PPARGC1A: variants seen among roughly 807,000 people sequenced by gnomAD.
The protein encoded by PPARGC1A is PPARG coactivator 1 alpha.
PPARGC1A carries 25 observed loss-of-function variants against 88.7 expected under a neutral mutation model. The observed-to-expected ratio is 0.28, with a 90% CI of 0.21 to 0.39. The LOEUF is 0.39. Ranked by LOEUF, PPARGC1A falls within the 10% of genes least tolerant of loss-of-function variation. The pLI is 1.00. For synonymous variants in PPARGC1A, 363 were observed against 355.6 expected, an observed-to-expected ratio of 1.02 and a Z score of -0.24; for missense variants, 880 against 968.7, an observed-to-expected ratio of 0.91 and a Z score of 1.22.
chr4:24,111,606 G>A, the PPARGC1A span, among the ~76,000 whole-genome samples: 1 of 152,098 alleles, frequency 6.6e-6, no homozygotes. Context: ...TGGTGTCAAG[G>A]TACTACATAA....
the PPARGC1A span, among the ~76,000 whole-genome samples, chr4:23,991,464 TGG>T: frequency 6.6e-6 from 1 of 151,900 alleles, no homozygotes; most frequent in African/African-American, 2.4e-5. Flanking sequence ...CCTTCAAACC[TGG>T]GGGCTCCTCC....
chr4:24,388,642 A>G, the PPARGC1A span, among the ~76,000 whole-genome samples: 2 of 152,188 alleles, frequency 1.3e-5, no homozygotes, highest in Non-Finnish European at 2.9e-5. Flanking sequence ...ATGCAGCCAT[A>G]AAAAGGATGA....
At chr4:24,228,970 A>G in the PPARGC1A span, among the ~76,000 whole-genome samples, 12 of 152,188 alleles carry the variant, frequency 7.9e-5, no homozygotes, top group South Asian at 1.7e-3. Flanking sequence ...GTCAGTCATT[A>G]TATCTTTTAC....
chr4:24,292,110 C>T, the PPARGC1A span, among the ~76,000 whole-genome samples: 3 of 152,118 alleles, frequency 2.0e-5, no homozygotes, highest in Admixed American at 2.0e-4. Flanking sequence ...GATTCAGCCA[C>T]GCTGAAGTTT....
At chr4:23,999,253 T>A in the PPARGC1A span, among the ~76,000 whole-genome samples, 428 of 152,338 alleles carry the variant, frequency 2.8e-3, 1 homozygote, top group African/African-American at 9.8e-3. Flanking sequence ...TATGAAAGCA[T>A]TGTCTGTTTG....
the PPARGC1A span, among the ~76,000 whole-genome samples, chr4:24,290,543 A>T: frequency 6.6e-6 from 1 of 152,114 alleles, no homozygotes; most frequent in Non-Finnish European, 1.5e-5. Context: ...AAATAATCCA[A>T]ATAAAGTGCT....
At chr4:24,279,173 C>T in the PPARGC1A span, among the ~76,000 whole-genome samples, 2 of 152,192 alleles carry the variant, frequency 1.3e-5, no homozygotes, top group Non-Finnish European at 2.9e-5. Flanking sequence ...CCACTCTGTT[C>T]CAACCTGCTT....
the PPARGC1A span, among the ~76,000 whole-genome samples, chr4:24,347,687 G>A: frequency 6.0e-4 from 91 of 152,212 alleles, no homozygotes; most frequent in African/African-American, 2.1e-3. Context: ...GCAGATAGTT[G>A]GTTGATGAGT....
the PPARGC1A span, among the ~76,000 whole-genome samples, chr4:24,164,819 T>C: frequency 6.6e-6 from 1 of 152,092 alleles, no homozygotes; most frequent in African/African-American, 2.4e-5. Context: ...GCTACACACA[T>C]TGGCAGACCT....
At chr4:24,445,044 C>T in the PPARGC1A span, among the ~76,000 whole-genome samples, 1 of 151,874 alleles carries the variant, frequency 6.6e-6, no homozygotes, top group Non-Finnish European at 1.5e-5. Context: ...CAGAGCAAGA[C>T]CCTGTCTCAA....
At chr4:24,133,684 A>G in the PPARGC1A span, among the ~76,000 whole-genome samples, 4 of 152,240 alleles carry the variant, frequency 2.6e-5, 1 homozygote, top group East Asian at 7.7e-4. Context: ...TCCTCCTTTC[A>G]TTGGAAACTT....
chr4:23,920,515 T>C, the PPARGC1A span, among the ~76,000 whole-genome samples: 547 of 152,300 alleles, frequency 3.6e-3, 1 homozygote, highest in African/African-American at 0.012. Flanking sequence ...GGTGATGGAT[T>C]GAAGGAAGCA....
chr4:23,855,302 C>G (rs951330935), intron 2 of PPARGC1A, among the ~76,000 whole-genome samples: 1 of 152,068 alleles, frequency 6.6e-6, no homozygotes, highest in Non-Finnish European at 1.5e-5. Context: ...AACCCCTGAC[C>G]CTTCACTGTC....
the PPARGC1A span, among the ~76,000 whole-genome samples, chr4:24,028,592 ACAGGG>A: frequency 6.6e-6 from 1 of 152,316 alleles, no homozygotes; most frequent in African/African-American, 2.4e-5. Flanking sequence ...AAAGAGGTTA[ACAGGG>A]AAGGTTCTGG....
At chr4:24,307,295 A>G in the PPARGC1A span, among the ~76,000 whole-genome samples, 2 of 152,182 alleles carry the variant, frequency 1.3e-5, no homozygotes, top group African/African-American at 4.8e-5. Flanking sequence ...CCCCCAAGTG[A>G]CCCTTGGAAT....
the PPARGC1A span, among the ~76,000 whole-genome samples, chr4:24,346,818 G>A: frequency 6.6e-6 from 1 of 151,918 alleles, no homozygotes; most frequent in Non-Finnish European, 1.5e-5. Flanking sequence ...CTGGGTTTGG[G>A]TTTGGTTTGT....
At chr4:24,000,071 C>A in the PPARGC1A span, among the ~76,000 whole-genome samples, 1 of 151,008 alleles carries the variant, frequency 6.6e-6, no homozygotes, top group Admixed American at 6.6e-5. Flanking sequence ...ACCTTCCTTA[C>A]TTCCCTCCTT....
chr4:24,164,099 A>G, the PPARGC1A span, among the ~76,000 whole-genome samples: 3 of 152,202 alleles, frequency 2.0e-5, no homozygotes, highest in East Asian at 1.9e-4. Context: ...AAAATAGGCA[A>G]CTATCTTCCT....
chr4:23,879,228 G>A (rs181866963), intron 2 of PPARGC1A, among the ~76,000 whole-genome samples: 296 of 152,230 alleles, frequency 1.9e-3, no homozygotes, highest in African/African-American at 6.8e-3. Context: ...AAAATTCCAG[G>A]AGGTTTGCCA....
Sources: allele counts gnomAD v4.1 joint callset (sites outside exome capture counted in the v4.1 genomes callset), GRCh38; gene constraint gnomAD v4.1.1; transcripts MANE v1.5; gene names NCBI Gene and HGNC (gene_info 2026-07-23, HGNC 2026-07-21).